Variants in SLC15A2 observed in about 807,000 individuals in gnomAD.
The protein encoded by SLC15A2 is solute carrier family 15 member 2, also known as kidney H(+)/peptide cotransporter.
A neutral mutation model predicts 95.5 loss-of-function variants in SLC15A2; 77 were observed. That is an observed-to-expected ratio of 0.81 (90% CI 0.67 to 0.97). The LOEUF (loss-of-function observed/expected upper bound fraction) is 0.97, where lower values mean the gene tolerates loss of function less well. Ranked by LOEUF, SLC15A2 falls within the 50% of genes least tolerant of loss-of-function variation. The pLI is 0.00. For synonymous variants in SLC15A2, 306 were observed against 306.9 expected (o/e 1.00, Z 0.03); for missense variants, 893 against 874.4 (o/e 1.02, Z -0.27).
Position 121,897,521 on chromosome 3 carries a change from A to G in SLC15A2, c.327A>G (p.Gly109=), listed in dbSNP as rs1333351272. 1 of 1,613,980 alleles carries G rather than the reference A, an allele frequency of 6.2e-7. No individual in the cohort carries two copies. The highest frequency in any genetic ancestry group is 1.1e-5 in the South Asian group (1 of 91,052). The change falls in exon 3 of 22, where the codon GGA becomes GGG. Residue 109 remains glycine, a synonymous_variant. Coordinates refer to ENST00000489711, the MANE Select transcript of SLC15A2 (RefSeq NM_021082.4). ...CAGCCATTGCTGACTCGTGGTTGGGAAAATTCAAGTAAGGAAGATGGGAGG... is the reference window on the plus strand; with the variant it reads ...CAGCCATTGCTGACTCGTGGTTGGGGAAATTCAAGTAAGGAAGATGGGAGG... ...LGAAIADSWL[G]KFKTIIYLSL...
intron 3 of SLC15A2, among the ~76,000 whole-genome samples, chr3:121,902,589 T>C (rs1709541608): frequency 6.6e-6 from 1 of 152,286 alleles, no homozygotes; most frequent in East Asian, 1.9e-4. Context: ...AATTCCCACC[T>C]ATGAGTGAGA....
At chr3:121,898,449 A>G (rs180754524) in intron 3 of SLC15A2, among the ~76,000 whole-genome samples, 19 of 152,338 alleles carry the variant, frequency 1.2e-4, no homozygotes, top group Non-Finnish European at 5.9e-5. Flanking sequence ...ATTGTCCCCT[A>G]TAACATTAAA....
chr3:121,917,851 A>G (rs1709926453), intron 7 of SLC15A2, among the ~76,000 whole-genome samples: 1 of 152,182 alleles, frequency 6.6e-6, no homozygotes, highest in South Asian at 2.1e-4. Context: ...AGTAGCTGTA[A>G]GACAAGAGGC....
At chr3:121,906,491 T>C (rs1709647805) in intron 3 of SLC15A2, among the ~76,000 whole-genome samples, 1 of 152,252 alleles carries the variant, frequency 6.6e-6, no homozygotes, top group Admixed American at 6.5e-5. Flanking sequence ...TTGCAGTGGC[T>C]GGTACCAGCT....
chr3:121,941,181 C>G lies in SLC15A2; in HGVS notation c.*174C>G, dbSNP rs1366320797. Reference sequence around the variant, plus strand: ...TCCAGTACATCTTTAAACAAGGCCCCAGAGACTCTATGTCTGCCCGTCCAT... The same window carrying G: ...TCCAGTACATCTTTAAACAAGGCCCGAGAGACTCTATGTCTGCCCGTCCAT... On this transcript the variant is annotated 3_prime_UTR_variant, in exon 22 of 22. Coordinates refer to ENST00000489711, the MANE Select transcript of SLC15A2 (RefSeq NM_021082.4). 1.7e-6 allele frequency: 1 copy of G among 579,242 alleles called. No individual in the cohort carries two copies. Among genetic ancestry groups the G allele is most frequent in the Admixed American group, 3.3e-5 (1 of 30,408 alleles). The allele number at this position is 579,242 out of a possible 1,614,324, so 35.9% of individuals were successfully genotyped here. A position where few individuals can be genotyped will look rare whatever the true frequency, so the allele number is the denominator to read the frequency against.
intron 19 of SLC15A2, 126 bp downstream of exon 19, chr3:121,931,861 A>C (rs1421528646): frequency 8.2e-6 from 5 of 613,334 alleles, no homozygotes; most frequent in Non-Finnish European, 1.5e-5. Context: ...ATTTATTTCT[A>C]GCATAAGATG....
chr3:121,912,514 G>A (rs577865449), intron 4 of SLC15A2, among the ~76,000 whole-genome samples: 54 of 152,234 alleles, frequency 3.5e-4, no homozygotes, highest in Non-Finnish European at 5.1e-4. Flanking sequence ...GATTATAGAC[G>A]TAGCCTCTGC....
chr3:121,914,596 A>G (rs1709843073), intron 5 of SLC15A2, among the ~76,000 whole-genome samples: 1 of 152,218 alleles, frequency 6.6e-6, no homozygotes, highest in African/African-American at 2.4e-5. Context: ...ATTTAACTAA[A>G]TCAGGCATTC....
At chr3:121,907,866 C>T (rs1166331056) in intron 3 of SLC15A2, among the ~76,000 whole-genome samples, 2 of 152,260 alleles carry the variant, frequency 1.3e-5, no homozygotes, top group African/African-American at 4.8e-5. Flanking sequence ...TGTCCGTTCT[C>T]AGAGCTCAAA....
chr3:121,895,522 A>C (rs1185131849), intron 1 of SLC15A2: 1 of 152,208 alleles, frequency 6.6e-6, no homozygotes, highest in African/African-American at 2.4e-5. Flanking sequence ...AGTTAATGAT[A>C]TCTCTTCTGG....
chr3:121,937,116 G>T (rs1710363111), intron 19 of SLC15A2, among the ~76,000 whole-genome samples: 1 of 105,842 alleles, frequency 9.4e-6, no homozygotes, highest in Non-Finnish European at 1.9e-5. Context: ...GGCTTGTAGG[G>T]TTTCTGCCGA....
chr3:121,894,693 C>A, intron 1 of SLC15A2, 112 bp downstream of exon 1: 1 of 669,168 alleles, frequency 1.5e-6, no homozygotes, highest in Non-Finnish European at 2.5e-6. Flanking sequence ...TAAAATGCTT[C>A]TCTCTTGGAT....
intron 3 of SLC15A2, among the ~76,000 whole-genome samples, chr3:121,899,447 A>G (rs1240213495): frequency 6.6e-6 from 1 of 152,142 alleles, no homozygotes; most frequent in Admixed American, 6.5e-5. Context: ...TCCTTCAACT[A>G]GAAGCAGGAG....
chr3:121,935,418 A>G (rs551619850), intron 19 of SLC15A2, among the ~76,000 whole-genome samples: 2 of 152,142 alleles, frequency 1.3e-5, no homozygotes, highest in Admixed American at 1.3e-4. Context: ...TTGGTAAGCT[A>G]TTGATTATTG....
At position 121,924,376 on chromosome 3, in the gene SLC15A2, A is replaced by G. The variant is rs763831119; in HGVS notation, c.1028A>G (p.Gln343Arg). The change falls in exon 12 of 22, where the codon CAG (glutamine) becomes CGG (arginine). Residue 343 changes from glutamine (Q) to arginine (R), a missense_variant. Transcript: ENST00000489711. Reference protein sequence around the residue: ...NLGFFVLQPDQMQVLNPLLVL... With the variant: ...NLGFFVLQPDRMQVLNPLLVL... ...GGGTTTTTTGTGCTTCAGCCGGACC[A>G]GATGCAGGTATGTGACTCTTCTATA... 6 of 1,613,498 alleles carry G rather than the reference A, an allele frequency of 3.7e-6. No homozygotes were observed. The highest frequency in any genetic ancestry group is 4.2e-6 in the Non-Finnish European group (5 of 1,179,588).
In SLC15A2 at chr3:121,940,412, A is replaced by C; in HGVS notation, c.1937A>C (p.Gln646Pro). The change falls in exon 21 of 22, where the codon CAG (glutamine) becomes CCG (proline). Residue 646 changes from glutamine to proline, a missense_variant. Gln to Pro is a moderately conservative substitution (Grantham distance 76, BLOSUM62 -1). Transcript: ENST00000489711. ...CCCTCTAGCATGAAATCTGTGCTCC[A>C]GGCAGCTTGGCTATTGACAATTGCA... ...QAPSSMKSVL[Q>P]AAWLLTIAVG... 6.2e-7 allele frequency: 1 copy of C among 1,614,094 alleles called. No individual in the cohort carries two copies.
intron 7 of SLC15A2, among the ~76,000 whole-genome samples, chr3:121,917,200 T>A (rs2332046): frequency 0.45 from 67,926 of 152,058 alleles, 15,714 homozygotes; most frequent in East Asian, 0.69. Context: ...GTGCTAGGTA[T>A]TGGGATCACA....
At chr3:121,938,470 G>A (rs969300019) in intron 19 of SLC15A2, among the ~76,000 whole-genome samples, 15 of 152,194 alleles carry the variant, frequency 9.9e-5, no homozygotes, top group Admixed American at 8.5e-4. Context: ...CTCGTGGTGC[G>A]CCGTTTTTTA....
intron 7 of SLC15A2, among the ~76,000 whole-genome samples, chr3:121,921,028 A>G (rs1709995278): frequency 6.6e-6 from 1 of 152,254 alleles, no homozygotes; most frequent in South Asian, 2.1e-4. Flanking sequence ...CAAAGGTAAT[A>G]CCAGCTCATT....
Sources: gnomAD v4.1 joint callset for allele counts (sites outside exome capture counted in the v4.1 genomes callset) on GRCh38, gnomAD v4.1.1 for gene constraint, MANE v1.5 for transcripts, NCBI Gene and HGNC (gene_info 2026-07-23, HGNC 2026-07-21) for gene names.